GPRC6A: variants seen among roughly 807,000 people sequenced by gnomAD.
The protein encoded by GPRC6A is G protein-coupled receptor class C group 6 member A.
GPRC6A carries 54 observed loss-of-function variants against 47.0 expected under a neutral mutation model. The observed-to-expected ratio is 1.15, with a 90% confidence interval of 0.92 to 1.44. The LOEUF (loss-of-function observed/expected upper bound fraction) is 1.44, where lower values mean the gene tolerates loss of function less well. Among genes scored for constraint, GPRC6A ranks in the 40% most tolerant of loss-of-function variants. The pLI is 0.00. For synonymous variants in GPRC6A, 347 were observed against 377.1 expected, an observed-to-expected ratio of 0.92 and a Z score of 0.93; for missense variants, 1,112 against 1,105.5, an observed-to-expected ratio of 1.01 and a Z score of -0.08.
intron 2 of GPRC6A, 97 bp downstream of exon 2, chr6:116,809,211 TAAAGTA>T (rs908595619): frequency 3.5e-6 from 3 of 855,902 alleles, no homozygotes; most frequent in Admixed American, 2.5e-5. Flanking sequence ...AAAGAAAAGT[TAAAGTA>T]AAAGTGACTC....
intron 1 of GPRC6A, 51 bp from the exon 2 acceptor site, chr6:116,809,668 C>T (rs766039421): frequency 8.3e-6 from 11 of 1,326,094 alleles, no homozygotes; most frequent in Non-Finnish European, 1.2e-5. Context: ...CTTCTATGGA[C>T]ATGGCTGTAT....
intron 4 of GPRC6A, among the ~76,000 whole-genome samples, chr6:116,798,848 A>G (rs1033529375): frequency 6.6e-6 from 1 of 151,644 alleles, no homozygotes; most frequent in Non-Finnish European, 1.5e-5. Context: ...ACGCCACTGC[A>G]TACTAGCCTG....
intron 1 of GPRC6A, among the ~76,000 whole-genome samples, chr6:116,825,147 T>C (rs893433142): frequency 6.6e-6 from 1 of 151,934 alleles, no homozygotes; most frequent in African/African-American, 2.4e-5. Flanking sequence ...CTGGGGAAAG[T>C]GGAAAGCCTT....
intron 4 of GPRC6A, among the ~76,000 whole-genome samples, chr6:116,799,279 A>G (rs552164596): frequency 9.9e-5 from 15 of 152,280 alleles, no homozygotes; most frequent in African/African-American, 3.6e-4. Flanking sequence ...CTCCCATATA[A>G]TGATATCATT....
intron 1 of GPRC6A, among the ~76,000 whole-genome samples, chr6:116,825,947 G>T (rs975275194): frequency 6.6e-6 from 1 of 151,874 alleles, no homozygotes; most frequent in Admixed American, 6.6e-5. Flanking sequence ...CTATTCAGGG[G>T]AAAGGACTTC....
At position 116,809,626 on chromosome 6, in the gene GPRC6A, A is replaced by T. The variant is rs1435618426; in HGVS notation, c.195-9T>A. ...AAACTGATATTTCAAAGCTGTTGGG[A>T]AACAAGTATTTTTTGAAATCAGAAC... On this transcript the variant is annotated splice_polypyrimidine_tract_variant and intron_variant, in intron 1 of 5. Coordinates refer to ENST00000310357, the MANE Select transcript of GPRC6A (RefSeq NM_148963.4). 4 of 1,595,456 alleles carry T rather than the reference A, an allele frequency of 2.5e-6. No individual in the cohort carries two copies. The highest frequency in any genetic ancestry group is 3.4e-6 in the Non-Finnish European group (4 of 1,168,134).
At chr6:116,806,119 A>C (rs577197188) in intron 3 of GPRC6A, among the ~76,000 whole-genome samples, 3 of 152,258 alleles carry the variant, frequency 2.0e-5, no homozygotes, top group African/African-American at 7.2e-5. Context: ...CAACATCAAA[A>C]GAATTTTCAT....
In GPRC6A at chr6:116,807,112, G is replaced by A; in HGVS notation, c.593C>T (p.Ala198Val). The change falls in exon 3 of 6, where the codon GCA becomes GTA. Residue 198 changes from alanine (A) to valine (V), a missense_variant. Transcript: ENST00000310357. ...AGATTTCTGAATCAGGTGAGCCATT[G>A]CTTTAATTTGATGGAAGTCACTGGG... The part of the protein sequence containing the change: ...TVPSDFHQIK[A>V]MAHLIQKSGW... The A allele has an allele frequency of 6.2e-7, 1 of 1,613,670 alleles. No individual in the cohort carries two copies. Among genetic ancestry groups the A allele is most frequent in the Non-Finnish European group, 8.5e-7 (1 of 1,179,664 alleles).
Position 116,823,885 on chromosome 6 carries a change from C to G in GPRC6A, c.194+4935G>C, listed in dbSNP as rs545022816. Among the ~76,000 whole-genome samples, 4 of 152,164 alleles carry G rather than the reference C, an allele frequency of 2.6e-5. No homozygotes were observed. The South Asian group carries it at 8.3e-4, about 32-fold the overall frequency. ...AAAGAGGGAGGGGATATGCTACACA[C>G]TTTTAAACAACCAGATCTTATGAGA... On this transcript the variant is annotated intron_variant, in intron 1 of 5. Transcript: ENST00000310357.
chr6:116,821,326 C>T (rs1400007195), intron 1 of GPRC6A, among the ~76,000 whole-genome samples: 4 of 152,094 alleles, frequency 2.6e-5, no homozygotes, highest in Non-Finnish European at 5.9e-5. Flanking sequence ...ATCAAGCTAC[C>T]AATGCCTTTC....
At chr6:116,815,420 T>C (rs9400962) in intron 1 of GPRC6A, among the ~76,000 whole-genome samples, 47,817 of 152,030 alleles carry the variant, frequency 0.31, 8,094 homozygotes, top group East Asian at 0.53. Context: ...GAAGTGGAGG[T>C]TGCAGTGAGC....
At position 116,792,933 on chromosome 6, in the gene GPRC6A, T is replaced by G. The variant is rs1772360469; in HGVS notation, c.1990A>C (p.Thr664Pro). The change falls in exon 6 of 6, where the codon ACA (threonine) becomes CCA (proline). Residue 664 changes from threonine to proline, a missense_variant. Coordinates refer to ENST00000310357, the MANE Select transcript of GPRC6A (RefSeq NM_148963.4). ...AGAGTAAAGCTCACTCCAAACATTG[T>G]CTGCCTGGTTTTACATGTGAAGTCT... is the stretch of plus-strand genomic sequence containing the variant. ...PQDFTCKTRQ[T>P]MFGVSFTLCI... The G allele has an allele frequency of 6.2e-7, 1 of 1,614,022 alleles. No individual in the cohort carries two copies. Among genetic ancestry groups the G allele is most frequent in the South Asian group, 1.1e-5 (1 of 91,088 alleles).
At chr6:116,818,402 C>T (rs1386696737) in intron 1 of GPRC6A, among the ~76,000 whole-genome samples, 16 of 146,126 alleles carry the variant, frequency 1.1e-4, no homozygotes, top group African/African-American at 2.5e-4. Flanking sequence ...GGCGTAGTGG[C>T]GGGCGCCTGT....
chr6:116,823,102 TG>T (rs1224551077), intron 1 of GPRC6A, among the ~76,000 whole-genome samples: 2 of 152,072 alleles, frequency 1.3e-5, no homozygotes, highest in African/African-American at 4.8e-5. Context: ...TTTGTTTGTT[TG>T]TTTTTTGTTT....
Position 116,819,572 on chromosome 6 carries a change from A to C in GPRC6A, c.194+9248T>G, listed in dbSNP as rs200383487. Among the ~76,000 whole-genome samples, 327 of 151,838 alleles carry C rather than the reference A, an allele frequency of 2.2e-3. 2 individuals carry two copies. The highest frequency in any genetic ancestry group is 7.0e-3 in the Middle Eastern group (2 of 284). Reference sequence around the variant, plus strand: ...AAGAATCTCACTCAAAACCGCTCAAATACATGGAAACTGAACAACCTGCTC... The same window carrying C: ...AAGAATCTCACTCAAAACCGCTCAACTACATGGAAACTGAACAACCTGCTC... On this transcript the variant is annotated intron_variant, in intron 1 of 5. Coordinates refer to ENST00000310357, the MANE Select transcript of GPRC6A (RefSeq NM_148963.4).
In GPRC6A at chr6:116,793,209, C is replaced by T. The variant is rs1316726527; in HGVS notation, c.1714G>A (p.Ala572Thr). 3 of 1,605,288 alleles carry T rather than the reference C, an allele frequency of 1.9e-6. No individual in the cohort carries two copies. Among genetic ancestry groups the T allele is most frequent in the South Asian group, 1.1e-5 (1 of 89,200 alleles). ...AAGCACATAGTGCTCCTAACAGGGG[C>T]CCAGTGAGTTTTGTTGTTGCATAAA... ...CLLCNNKTHWAPVRSTMCFEK... is the reference protein window; with the variant it reads ...CLLCNNKTHWTPVRSTMCFEK... The change falls in exon 6 of 6, where the codon GCC (alanine) becomes ACC (threonine). Residue 572 changes from alanine to threonine, a missense_variant. Coordinates refer to ENST00000310357, the MANE Select transcript of GPRC6A (RefSeq NM_148963.4).
intron 1 of GPRC6A, among the ~76,000 whole-genome samples, chr6:116,811,294 A>T (rs1350078230): frequency 6.6e-6 from 1 of 152,154 alleles, no homozygotes; most frequent in East Asian, 1.9e-4. Flanking sequence ...CATCCTTAGG[A>T]AACATTCTCC....
At position 116,825,400 on chromosome 6, in the gene GPRC6A, A is replaced by G. The variant is rs186227281; in HGVS notation, c.194+3420T>C. On this transcript the variant is annotated intron_variant, in intron 1 of 5. Coordinates refer to ENST00000310357, the MANE Select transcript of GPRC6A (RefSeq NM_148963.4). ...AAATTCAGTAAAGTTGCAGGATACA[A>G]TATCAATAGGATTTTTGTACACCGG... is the stretch of plus-strand genomic sequence containing the variant. 2.0e-5 allele frequency among the ~76,000 whole-genome samples: 3 copies of G among 152,200 alleles called. No homozygotes were observed. In the East Asian group the frequency reaches 5.8e-4, roughly 29 times the overall value.
chr6:116,804,074 C>A (rs1772762938), intron 3 of GPRC6A, among the ~76,000 whole-genome samples: 2 of 152,182 alleles, frequency 1.3e-5, no homozygotes, highest in Middle Eastern at 6.8e-3. Flanking sequence ...AGAAGTTCAA[C>A]TATTAGGCAT....
Sources: allele counts gnomAD v4.1 joint callset (sites outside exome capture counted in the v4.1 genomes callset), GRCh38; gene constraint gnomAD v4.1.1; transcripts MANE v1.5; gene names NCBI Gene and HGNC (gene_info 2026-07-23, HGNC 2026-07-21).